Variants in NUP54 observed in about 807,000 individuals in gnomAD.
NUP54 encodes the protein nucleoporin 54.
Under a neutral mutation model 66.4 loss-of-function variants are expected in NUP54, and 27 were observed. That is an observed-to-expected ratio of 0.41 (90% CI 0.30 to 0.56). The LOEUF is 0.56. Among genes scored for constraint, NUP54 ranks in the 20% least tolerant of loss-of-function variants. The pLI is 0.34. For synonymous variants in NUP54, 206 were observed against 210.7 expected (o/e 0.98, Z 0.19); for missense variants, 486 against 596.3 (o/e 0.82, Z 1.93).
chr4:76,117,865 T>C, intron 10 of NUP54, 91 bp from the exon 11 acceptor site: 1 of 1,141,466 alleles, frequency 8.8e-7, no homozygotes, highest in Non-Finnish European at 1.3e-6. Context: ...CAAAACCATC[T>C]ATTAAAAATT....
chr4:76,116,722 C>T (rs954638014), intron 11 of NUP54, among the ~76,000 whole-genome samples: 4 of 152,140 alleles, frequency 2.6e-5, no homozygotes, highest in African/African-American at 9.7e-5. Context: ...AAAGTGCATA[C>T]AAATCATTCT....
chr4:76,147,091 A>C (rs1731533581), intron 1 of NUP54, among the ~76,000 whole-genome samples: 1 of 152,246 alleles, frequency 6.6e-6, no homozygotes, highest in Non-Finnish European at 1.5e-5. Flanking sequence ...AAGGACAATA[A>C]AATGAAATCT....
intron 9 of NUP54, among the ~76,000 whole-genome samples, chr4:76,121,689 TTCTCA>T (rs1352195275): frequency 6.6e-6 from 1 of 152,248 alleles, no homozygotes; most frequent in Non-Finnish European, 1.5e-5. Flanking sequence ...GTATTAAGTA[TTCTCA>T]TCTAAGAATA....
At chr4:76,147,680 G>T (rs1019388424) in intron 1 of NUP54, 1 of 1,261,000 alleles carries the variant, frequency 7.9e-7, no homozygotes. Context: ...TTTTAAAAAG[G>T]GGGAGAGGGA....
chr4:76,123,387 T>C (rs183797063), intron 9 of NUP54, among the ~76,000 whole-genome samples: 114 of 152,346 alleles, frequency 7.5e-4, no homozygotes, highest in Admixed American at 5.6e-3. Flanking sequence ...TCCAACTGTT[T>C]CTGTGGTATT....
At chr4:76,122,645 C>G (rs1248266892) in intron 9 of NUP54, among the ~76,000 whole-genome samples, 1 of 152,114 alleles carries the variant, frequency 6.6e-6, no homozygotes, top group Non-Finnish European at 1.5e-5. Context: ...AAACAGTTTA[C>G]GTAGTTCCTC....
intron 8 of NUP54, among the ~76,000 whole-genome samples, chr4:76,129,975 T>TG: frequency 3.0e-5 from 1 of 33,112 alleles, no homozygotes; most frequent in Admixed American, 2.7e-4. Context: ...AGTTTTTTTT[T>TG]TTTTTTTTTT....
chr4:76,148,352 G>A lies in NUP54; in HGVS notation c.23C>T (p.Pro8Leu), dbSNP rs372806423. 6 of 1,550,222 alleles carry A rather than the reference G, an allele frequency of 3.9e-6. No homozygotes were observed. The African/African-American group carries it at 8.3e-5, about 21-fold the overall frequency. MAFNFGA[P>L]SGTSGTAAAT... ...TGCAGCGGTACCGGAGGTGCCCGAG[G>A]GAGCCCCAAAATTGAAGGCCATGTC... is the stretch of plus-strand genomic sequence containing the variant. Residue 8 changes from proline to leucine, a missense_variant, in exon 1 of 12, where the codon CCC (proline) becomes CTC (leucine). Transcript: ENST00000264883.
At chr4:76,124,590 G>T in intron 9 of NUP54, 59 bp downstream of exon 9, 4 of 631,054 alleles carry the variant, frequency 6.3e-6, no homozygotes, top group South Asian at 4.7e-5. Flanking sequence ...TCTATATTTA[G>T]TACATTATTT....
At position 76,115,274 on chromosome 4, in the gene NUP54, T is replaced by C. The variant is rs1729898445; in HGVS notation, c.*92A>G. ...CCAATCCAAGAAAGAATTGTTTTCT[T>C]TTTCCCTCCATGTGGTCGGTTTCAT... On this transcript the variant is annotated 3_prime_UTR_variant, in exon 12 of 12. Transcript: ENST00000264883. The C allele has an allele frequency of 2.6e-6, 3 of 1,164,146 alleles. No homozygotes were observed. Among genetic ancestry groups the C allele is most frequent in the South Asian group, 2.7e-5 (1 of 37,470 alleles). The allele number at this position is 1,164,146 out of a possible 1,614,324, so 72.1% of individuals were successfully genotyped here.
chr4:76,147,821 T>A (rs1360543157), intron 1 of NUP54: 5 of 368,900 alleles, frequency 1.4e-5, no homozygotes, highest in South Asian at 6.8e-5. Flanking sequence ...GGAAGAAGCA[T>A]GACGGATAAA....
intron 9 of NUP54, among the ~76,000 whole-genome samples, chr4:76,118,977 GC>G (rs2109853332): frequency 6.6e-6 from 1 of 152,134 alleles, no homozygotes; most frequent in South Asian, 2.1e-4. Flanking sequence ...CTGCACTCCA[GC>G]CTGGGCAACA....
chr4:76,145,522 A>T, intron 1 of NUP54: 2 of 1,199,322 alleles, frequency 1.7e-6, no homozygotes, highest in Non-Finnish European at 2.2e-6. Context: ...AAGACTAAGT[A>T]ACTTTTCAAA....
chr4:76,124,728 T>C lies in NUP54; in HGVS notation c.1085A>G (p.Gln362Arg). The C allele has an allele frequency of 6.7e-7, 1 of 1,502,102 alleles. No homozygotes were observed. The highest frequency in any genetic ancestry group is 9.0e-7 in the Non-Finnish European group (1 of 1,108,098). The allele number at this position is 1,502,102 out of a possible 1,614,324, so 93.0% of individuals were successfully genotyped here. The change falls in exon 9 of 12, where the codon CAA (glutamine) becomes CGA (arginine). Residue 362 changes from glutamine (Q) to arginine (R), a missense_variant. Transcript: ENST00000264883. The part of the protein sequence containing the change: ...DIISEDISEL[Q>R]KNQTTSVAKI... ...GGCTACAGATGTAGTTTGATTCTTT[T>C]GTAGCTCACTAATATCTTCAGATAT...
Position 76,140,124 on chromosome 4 carries a change from T to A in NUP54, c.296-3712A>T, listed in dbSNP as rs761247352. On this transcript the variant is annotated intron_variant, in intron 3 of 11. Coordinates refer to ENST00000264883, the MANE Select transcript of NUP54 (RefSeq NM_017426.4). ...AGAAGGTGAAGACTGGGGAACGGAGTACAGCTAGAATAATCAACAGCACAT... is the reference window on the plus strand; with the variant it reads ...AGAAGGTGAAGACTGGGGAACGGAGAACAGCTAGAATAATCAACAGCACAT... Among the ~76,000 whole-genome samples the A allele has an allele frequency of 8.6e-5, 13 of 151,728 alleles. 1 individual carries two copies. Among genetic ancestry groups the A allele is most frequent in the Non-Finnish European group, 1.8e-4 (12 of 67,966 alleles).
At chr4:76,131,919 G>A (rs2109884102) in intron 6 of NUP54, among the ~76,000 whole-genome samples, 1 of 152,214 alleles carries the variant, frequency 6.6e-6, no homozygotes, top group African/African-American at 2.4e-5. Context: ...GGAATACTAT[G>A]CAATGTTTAA....
rs1317402196 is a variant in NUP54 at position 76,124,688 on chromosome 4, G to A, written c.1125C>T (p.Tyr375=). ...GGGAAAGATCCATGAGTTTCCTCTT[G>A]TATTGTGCAATTTTGGCTACAGATG... is the stretch of plus-strand genomic sequence containing the variant. ...QTTSVAKIAQ[Y]KRKLMDLSHR... Residue 375 remains tyrosine, a synonymous_variant, in exon 9 of 12, where the codon TAC becomes TAT. Coordinates refer to ENST00000264883, the MANE Select transcript of NUP54 (RefSeq NM_017426.4). 1 of 1,507,924 alleles carries A rather than the reference G, an allele frequency of 6.6e-7. No individual in the cohort carries two copies. 93.4% of individuals were successfully genotyped at this position (1,507,924 alleles called of 1,614,324 possible). A position where few individuals can be genotyped will look rare whatever the true frequency, so the allele number is the denominator to read the frequency against.
intron 11 of NUP54, among the ~76,000 whole-genome samples, chr4:76,116,815 A>G (rs920320937): frequency 6.6e-6 from 1 of 152,182 alleles, no homozygotes; most frequent in African/African-American, 2.4e-5. Flanking sequence ...AGGTGCGGCT[A>G]CTACCTACAC....
rs1490352125 is a variant in NUP54, at chr4:76,118,626, A to AATT, written c.1165-435_1165-433dup. On this transcript the variant is annotated intron_variant, in intron 9 of 11. Coordinates refer to ENST00000264883, the MANE Select transcript of NUP54 (RefSeq NM_017426.4). ...AGGCTGGTCTTGAACTCCTGGGCTT[A>AATT]ATTAAGTGATCCTCTAGCCTTGGCC... is the stretch of plus-strand genomic sequence containing the variant. 2.0e-5 allele frequency among the ~76,000 whole-genome samples: 3 copies of AATT among 146,548 alleles called. 1 individual carries two copies. In the East Asian group the frequency reaches 6.3e-4, roughly 31 times the overall value.
Sources: allele counts gnomAD v4.1 joint callset (sites outside exome capture counted in the v4.1 genomes callset), GRCh38; gene constraint gnomAD v4.1.1; transcripts MANE v1.5; gene names NCBI Gene and HGNC (gene_info 2026-07-23, HGNC 2026-07-21).